Variants in HUWE1 observed in about 807,000 individuals in gnomAD.
HUWE1 encodes the protein HECT, UBA and WWE domain containing E3 ubiquitin protein ligase 1, also known as E3 ubiquitin-protein ligase HUWE1.
In HUWE1, 18 loss-of-function variants were observed where a neutral mutation model predicts 299.4. The observed-to-expected ratio is 0.06, with a 90% CI of 0.04 to 0.09. The LOEUF (loss-of-function observed/expected upper bound fraction) is 0.09. Ranked by LOEUF, HUWE1 falls within the 10% of genes least tolerant of loss-of-function variation. The probability of loss-of-function intolerance (pLI) is 1.00; values close to 1 mark genes in which losing one functional copy is unlikely to be tolerated. For synonymous variants in HUWE1, 1,317 were observed against 1,286.1 expected (o/e 1.02, Z -0.51); for missense variants, 1,832 against 3,462.3 (o/e 0.53, Z 11.82).
At chrX:53,536,071 G>T in intron 80 of HUWE1, 76 bp downstream of exon 80, 1 of 632,064 alleles carries the variant, frequency 1.6e-6, no homozygotes, top group Non-Finnish European at 2.7e-6. Flanking sequence ...GTCACGCAGT[G>T]CTAGTTCTAA....
intron 66 of HUWE1, among the ~76,000 whole-genome samples, 198 bp from the exon 67 acceptor site, chrX:53,549,703 C>T (rs2061686469): frequency 9.1e-6 from 1 of 110,484 alleles, no homozygotes; most frequent in African/African-American, 3.3e-5. Context: ...AATGACTGTA[C>T]ATCATCCTTT....
rs1471064930 is a variant in HUWE1, at chrX:53,562,017, G to A, written c.7339-93C>T. 57 of 1,208,729 alleles carry A rather than the reference G, an allele frequency of 4.7e-5. No homozygotes were observed. The Admixed American group carries it at 1.1e-3, about 22-fold the overall frequency. On this transcript the variant is annotated intron_variant, in intron 54 of 83. Coordinates refer to ENST00000262854, the MANE Select transcript of HUWE1 (RefSeq NM_031407.7). ...ACATGTGCACATGAGGGAGGGAGAC[G>A]CTGAGGCTAGCAACCCAGACTGTTG...
intron 3 of HUWE1, among the ~76,000 whole-genome samples, chrX:53,666,284 T>C (rs1450474099): frequency 9.0e-6 from 1 of 110,885 alleles, no homozygotes; most frequent in Admixed American, 9.6e-5. Context: ...TTGAGAGCCA[T>C]GGCATTAGAT....
rs782738072 is a variant in HUWE1, at chrX:53,625,218, G to A, written c.1530C>T (p.Ser510=). 8.3e-7 allele frequency: 1 copy of A among 1,205,656 alleles called. No individual in the cohort carries two copies. Among genetic ancestry groups the A allele is most frequent in the South Asian group, 1.8e-5 (1 of 56,853 alleles). ...CIPQRAALLK[S]MLNFLKKAIQ... ...TGGCCTTCTTGAGGAAATTCAACAT[G>A]GATTTCAGAAGTGCTGCTCGTTGTG... Residue 510 remains serine, a synonymous_variant, in exon 18 of 84, where the codon TCC becomes TCT. Coordinates refer to ENST00000262854, the MANE Select transcript of HUWE1 (RefSeq NM_031407.7).
chrX:53,556,301 C>T, intron 60 of HUWE1: 1 of 348,671 alleles, frequency 2.9e-6, no homozygotes, highest in Non-Finnish European at 5.8e-6. Context: ...TACCCCACAA[C>T]AATACAACTT....
In HUWE1 at chrX:53,675,473, G is replaced by T. The variant is rs1045107017; in HGVS notation, c.-25+4576C>A. ...GCTATATCATGCATAGACAGTGCAG[G>T]GGAAGAAATGATGACACAAAGGAAA... is the stretch of plus-strand genomic sequence containing the variant. On this transcript the variant is annotated intron_variant, in intron 3 of 83. Transcript: ENST00000262854. 1.1e-4 allele frequency among the ~76,000 whole-genome samples: 12 copies of T among 111,358 alleles called. No individual in the cohort carries two copies. In the East Asian group the frequency reaches 3.1e-3, roughly 29 times the overall value.
At chrX:53,678,564 G>GA (rs1557051963) in intron 3 of HUWE1, among the ~76,000 whole-genome samples, 2 of 111,595 alleles carry the variant, frequency 1.8e-5, no homozygotes, top group Non-Finnish European at 3.8e-5. Flanking sequence ...GAAATGAAAT[G>GA]AAAAATCACA....
At position 53,585,082 on chromosome X, in the gene HUWE1, G is replaced by C; in HGVS notation, c.4931C>G (p.Ser1644Cys). 1 of 1,211,956 alleles carries C rather than the reference G, an allele frequency of 8.3e-7. No homozygotes were observed. The highest frequency in any genetic ancestry group is 1.1e-6 in the Non-Finnish European group (1 of 895,571). Residue 1644 changes from serine to cysteine, a missense_variant, in exon 40 of 84, where the codon TCT becomes TGT. This residue lies in a region of HUWE1 where 658 missense variants were observed against 1,282.6 expected (regional missense o/e 0.51). Coordinates refer to ENST00000262854, the MANE Select transcript of HUWE1 (RefSeq NM_031407.7). Reference protein sequence around the residue: ...NNSTIDSAWKSGETSVRFTAG... With the variant: ...NNSTIDSAWKCGETSVRFTAG... ...AGTGAATCGCACGCTTGTCTCTCCAGATTTCCAGGCAGAATCAATAGTGCT... is the reference window on the plus strand; with the variant it reads ...AGTGAATCGCACGCTTGTCTCTCCACATTTCCAGGCAGAATCAATAGTGCT...
intron 3 of HUWE1, among the ~76,000 whole-genome samples, chrX:53,660,946 A>C (rs923505321): frequency 6.3e-5 from 7 of 111,739 alleles, no homozygotes; most frequent in Non-Finnish European, 1.1e-4. Flanking sequence ...GAGAGAAAAA[A>C]AGTACCTTTC....
At chrX:53,641,298 T>A (rs1488976490) in intron 7 of HUWE1, among the ~76,000 whole-genome samples, 7 of 111,877 alleles carry the variant, frequency 6.3e-5, no homozygotes, top group African/African-American at 2.3e-4. Flanking sequence ...ATAAAACCAC[T>A]ATAGCTTTAT....
intron 3 of HUWE1, among the ~76,000 whole-genome samples, chrX:53,663,137 G>GA (rs782797615): frequency 8.9e-6 from 1 of 112,550 alleles, no homozygotes; most frequent in African/African-American, 3.2e-5. Context: ...GTTTCAGTGG[G>GA]ATGGAGGGAA....
Position 53,615,834 on chromosome X carries a change from C to T in HUWE1, c.1959G>A (p.Gly653=), listed in dbSNP as rs782438685. Residue 653 remains glycine, a splice_region_variant and synonymous_variant, in exon 22 of 84, where the codon GGG becomes GGA. Transcript: ENST00000262854. ...MRRRRSSDPL[G]DTASNLGSAV... ...CACTCCCCAGGTTGGATGCAGTATCCCCTTAAGGCAAAAAATGAACTGTTA... is the reference window on the plus strand; with the variant it reads ...CACTCCCCAGGTTGGATGCAGTATCTCCTTAAGGCAAAAAATGAACTGTTA... 1 of 1,188,039 alleles carries T rather than the reference C, an allele frequency of 8.4e-7. No homozygotes were observed. The highest frequency in any genetic ancestry group is 3.0e-5 in the East Asian group (1 of 33,734).
chrX:53,639,029 T>C (rs1004050920), intron 7 of HUWE1, among the ~76,000 whole-genome samples: 33 of 112,478 alleles, frequency 2.9e-4, no homozygotes, highest in African/African-American at 1.0e-3. Flanking sequence ...TATAAAAGCA[T>C]TGACTGAACC....
At chrX:53,547,168 T>A (rs1302191952) in intron 68 of HUWE1, among the ~76,000 whole-genome samples, 1 of 111,979 alleles carries the variant, frequency 8.9e-6, no homozygotes, top group East Asian at 2.8e-4. Context: ...TGGCCCACTC[T>A]ATTCTTTAAA....
At chrX:53,545,002 C>A (rs2061489325) in intron 71 of HUWE1, 27 bp downstream of exon 71, 1 of 1,206,880 alleles carries the variant, frequency 8.3e-7, no homozygotes, top group African/African-American at 1.7e-5. Context: ...GATTCAAGCC[C>A]CCAGCCAAAG....
intron 4 of HUWE1, among the ~76,000 whole-genome samples, chrX:53,651,323 TTG>T (rs1422597128): frequency 9.0e-6 from 1 of 111,066 alleles, no homozygotes. Context: ...GTGTGCATGA[TTG>T]TGTGTGGTAA....
At chrX:53,578,868 C>T (rs1556963055) in intron 43 of HUWE1, among the ~76,000 whole-genome samples, 1 of 79,117 alleles carries the variant, frequency 1.3e-5, no homozygotes, top group African/African-American at 5.0e-5. Flanking sequence ...GGGTCAGCCC[C>T]CCGCCCGGCC....
chrX:53,572,819 G>C (rs183064539), intron 47 of HUWE1, among the ~76,000 whole-genome samples: 1 of 110,745 alleles, frequency 9.0e-6, no homozygotes, highest in Non-Finnish European at 1.9e-5. Context: ...TATTTATATG[G>C]TTTATTCAAC....
chrX:53,591,252 G>T, intron 33 of HUWE1, 130 bp from the exon 34 acceptor site: 1 of 698,649 alleles, frequency 1.4e-6, no homozygotes, highest in Non-Finnish European at 2.2e-6. Flanking sequence ...TTATGAGCTA[G>T]GGCAATTAGG....
Sources: allele counts gnomAD v4.1 joint callset (sites outside exome capture counted in the v4.1 genomes callset), GRCh38; gene constraint gnomAD v4.1.1; regional missense constraint gnomAD v4.1.1; transcripts MANE v1.5; gene names NCBI Gene and HGNC (gene_info 2026-07-23, HGNC 2026-07-21).